Variants in BRINP3 observed in about 807,000 individuals in gnomAD.
BRINP3 encodes the protein BMP/retinoic acid-inducible neural-specific protein 3.
In BRINP3, 19 loss-of-function variants were observed where a neutral mutation model predicts 71.0. The ratio of observed to expected loss-of-function variants is 0.27; its 90% CI spans 0.19 to 0.39. The LOEUF (loss-of-function observed/expected upper bound fraction) is 0.39, where lower values mean the gene tolerates loss of function less well. BRINP3 is among the 10% of genes least tolerant of loss of function. The probability of loss-of-function intolerance (pLI) is 1.00; values close to 1 mark genes in which losing one functional copy is unlikely to be tolerated. For synonymous variants in BRINP3, 380 were observed against 337.7 expected (o/e 1.13, Z -1.37); for missense variants, 959 against 940.8 (o/e 1.02, Z -0.25).
intron 7 of BRINP3, among the ~76,000 whole-genome samples, chr1:190,146,878 G>C (rs1448709628): frequency 6.6e-6 from 1 of 151,750 alleles, no homozygotes; most frequent in Non-Finnish European, 1.5e-5. Context: ...TAATTTAGTG[G>C]AAAATATTAA....
intron 4 of BRINP3, among the ~76,000 whole-genome samples, chr1:190,255,067 G>A (rs1317340115): frequency 4.0e-5 from 6 of 151,220 alleles, no homozygotes; most frequent in Non-Finnish European, 8.8e-5. Flanking sequence ...TTTATGTGAT[G>A]GATTATGGTT....
At chr1:190,409,067 A>G (rs1484809473) in intron 2 of BRINP3, among the ~76,000 whole-genome samples, 1 of 152,216 alleles carries the variant, frequency 6.6e-6, no homozygotes, top group Non-Finnish European at 1.5e-5. Context: ...CTGAAGAATT[A>G]TCTGGCCCAT....
chr1:190,230,233 A>C (rs1657836559), intron 5 of BRINP3, among the ~76,000 whole-genome samples: 1 of 151,984 alleles, frequency 6.6e-6, no homozygotes, highest in African/African-American at 2.4e-5. Flanking sequence ...AAAGAAAGGA[A>C]ATAAATGATA....
chr1:190,259,663 TAA>T, intron 4 of BRINP3, among the ~76,000 whole-genome samples: 1 of 124,210 alleles, frequency 8.1e-6, no homozygotes, highest in East Asian at 2.5e-4. Context: ...AATAAATAAA[TAA>T]AATAAAGTGC....
At chr1:190,448,891 C>T (rs888378394) in intron 2 of BRINP3, among the ~76,000 whole-genome samples, 1 of 151,664 alleles carries the variant, frequency 6.6e-6, no homozygotes, top group Non-Finnish European at 1.5e-5. Context: ...ACACATGAAG[C>T]TTTTTACATT....
At chr1:190,214,685 T>C (rs1279733567) in intron 6 of BRINP3, among the ~76,000 whole-genome samples, 4 of 151,952 alleles carry the variant, frequency 2.6e-5, no homozygotes, top group Non-Finnish European at 5.9e-5. Flanking sequence ...CTTTTGCCTT[T>C]AGGGGTTGCT....
chr1:190,165,579 T>C (rs1260971087), intron 6 of BRINP3, among the ~76,000 whole-genome samples: 1 of 151,196 alleles, frequency 6.6e-6, no homozygotes, highest in Non-Finnish European at 1.5e-5. Flanking sequence ...GAAACTATGT[T>C]TTCAATGTTA....
At chr1:190,181,487 C>A (rs1184010105) in intron 6 of BRINP3, among the ~76,000 whole-genome samples, 1 of 151,834 alleles carries the variant, frequency 6.6e-6, no homozygotes, top group Non-Finnish European at 1.5e-5. Context: ...CTTTTCTATG[C>A]ATAAAATTTT....
In BRINP3 at chr1:190,427,765, G is replaced by C. The variant is rs1035481458; in HGVS notation, c.236+26890C>G. ...TTTAACTTTTATTTTAAGTTCAGAG[G>C]TACAGGTGCCAGTTTCTTACACAGG... On this transcript the variant is annotated intron_variant, in intron 2 of 7. Transcript: ENST00000367462. Among the ~76,000 whole-genome samples, 22 of 151,644 alleles carry C rather than the reference G, an allele frequency of 1.5e-4. 1 individual carries two copies. The highest frequency in any genetic ancestry group is 9.9e-4 in the Admixed American group (15 of 15,186).
intron 2 of BRINP3, among the ~76,000 whole-genome samples, chr1:190,364,185 T>G (rs765044217): frequency 2.0e-5 from 3 of 152,084 alleles, no homozygotes; most frequent in Non-Finnish European, 4.4e-5. Context: ...TGTCAGTCAA[T>G]AGTTTAATAA....
intron 7 of BRINP3, among the ~76,000 whole-genome samples, chr1:190,121,438 A>G: frequency 6.6e-6 from 1 of 152,192 alleles, no homozygotes; most frequent in East Asian, 1.9e-4. Flanking sequence ...AAGACTACAT[A>G]GTGATAAAAA....
At chr1:190,253,021 T>C (rs1336842983) in intron 4 of BRINP3, among the ~76,000 whole-genome samples, 3 of 151,970 alleles carry the variant, frequency 2.0e-5, no homozygotes, top group African/African-American at 7.2e-5. Context: ...TATGAGAACA[T>C]ATGGTGTTTG....
intron 2 of BRINP3, among the ~76,000 whole-genome samples, chr1:190,289,559 C>T (rs1223932803): frequency 2.0e-5 from 3 of 151,892 alleles, no homozygotes; most frequent in Non-Finnish European, 2.9e-5. Context: ...ATGAATCAGG[C>T]TTGATTGTTA....
chr1:190,334,289 G>A (rs1667148738), intron 2 of BRINP3, among the ~76,000 whole-genome samples: 1 of 151,686 alleles, frequency 6.6e-6, no homozygotes, highest in Non-Finnish European at 1.5e-5. Context: ...GAACACTCTT[G>A]TCCATTTGAG....
At chr1:190,470,082 T>C (rs185546941) in intron 1 of BRINP3, among the ~76,000 whole-genome samples, 1 of 151,138 alleles carries the variant, frequency 6.6e-6, no homozygotes, top group East Asian at 1.9e-4. Flanking sequence ...AAATCTAAAA[T>C]GCATGGTTAC....
chr1:190,434,760 A>C (rs1344689041), intron 2 of BRINP3, among the ~76,000 whole-genome samples: 1 of 152,142 alleles, frequency 6.6e-6, no homozygotes, highest in Non-Finnish European at 1.5e-5. Context: ...TGAAGGTAAA[A>C]ACTTGGAAAA....
At chr1:190,465,828 G>A (rs980048303) in intron 1 of BRINP3, among the ~76,000 whole-genome samples, 2 of 151,690 alleles carry the variant, frequency 1.3e-5, no homozygotes, top group Admixed American at 6.6e-5. Context: ...TTCAGAAAAT[G>A]TATGACAATT....
chr1:190,466,366 T>G (rs1188501548), intron 1 of BRINP3, among the ~76,000 whole-genome samples: 1 of 151,690 alleles, frequency 6.6e-6, no homozygotes, highest in Non-Finnish European at 1.5e-5. Context: ...CAAGGTGAAA[T>G]GAGCTGTTTA....
At chr1:190,121,360 C>T (rs1653636058) in intron 7 of BRINP3, among the ~76,000 whole-genome samples, 1 of 151,972 alleles carries the variant, frequency 6.6e-6, no homozygotes, top group Non-Finnish European at 1.5e-5. Context: ...TATGATAGAA[C>T]TAAAAGCACA....
Sources: allele counts gnomAD v4.1 joint callset (sites outside exome capture counted in the v4.1 genomes callset), GRCh38; gene constraint gnomAD v4.1.1; transcripts MANE v1.5; gene names NCBI Gene and HGNC (gene_info 2026-07-23, HGNC 2026-07-21).